Variants in SYNDIG1L observed in about 807,000 individuals in gnomAD.
SYNDIG1L encodes synapse differentiation-inducing gene protein 1-like.
In SYNDIG1L, 13 loss-of-function variants were observed where a neutral mutation model predicts 20.1. The ratio of observed to expected loss-of-function variants is 0.65; its 90% CI spans 0.42 to 1.03. The LOEUF is 1.03. SYNDIG1L is among the 50% of genes least tolerant of loss of function. The pLI is 0.00. For synonymous variants in SYNDIG1L, 128 were observed against 129.3 expected (o/e 0.99, Z 0.07); for missense variants, 294 against 305.1 (o/e 0.96, Z 0.27).
the SYNDIG1L span, among the ~76,000 whole-genome samples, chr14:74,453,351 T>TTA: frequency 8.1e-5 from 3 of 37,124 alleles, no homozygotes; most frequent in African/African-American, 2.8e-4. Flanking sequence ...AGACTCTGTC[T>TTA]CAAAAAAAAA....
chr14:74,426,725 C>A (rs1249941684), upstream of SYNDIG1L, among the ~76,000 whole-genome samples: 90 of 145,420 alleles, frequency 6.2e-4, 1 homozygote, highest in African/African-American at 1.9e-3. Flanking sequence ...CCCTGCCCCC[C>A]TCCCCCTGTC....
chr14:74,476,428 C>T, the SYNDIG1L span: 1 of 1,048,802 alleles, frequency 9.5e-7, no homozygotes, highest in African/African-American at 1.6e-5. Flanking sequence ...GGACGGCCTG[C>T]TAGAAGGGAG....
At chr14:74,436,394 A>AATTT in the SYNDIG1L span, among the ~76,000 whole-genome samples, 1 of 151,940 alleles carries the variant, frequency 6.6e-6, no homozygotes, top group Non-Finnish European at 1.5e-5. Flanking sequence ...ATACCTGGCT[A>AATTT]ATTTATTTAT....
chr14:74,433,038 G>T, the SYNDIG1L span, among the ~76,000 whole-genome samples: 1 of 152,264 alleles, frequency 6.6e-6, no homozygotes, highest in East Asian at 1.9e-4. Flanking sequence ...AATTTAATAA[G>T]TGCCAGGTCT....
At chr14:74,413,056 G>C (rs2086145073) in intron 1 of SYNDIG1L, among the ~76,000 whole-genome samples, 1 of 152,208 alleles carries the variant, frequency 6.6e-6, no homozygotes, top group South Asian at 2.1e-4. Flanking sequence ...ATCTCTCCAG[G>C]AGGGATGGAA....
At chr14:74,415,512 T>A (rs921863969) in intron 1 of SYNDIG1L, among the ~76,000 whole-genome samples, 2 of 152,176 alleles carry the variant, frequency 1.3e-5, no homozygotes, top group Non-Finnish European at 2.9e-5. Context: ...AAAAAATGTA[T>A]AACCACTATG....
At chr14:74,469,527 A>AAAG in the SYNDIG1L span, among the ~76,000 whole-genome samples, 1 of 152,080 alleles carries the variant, frequency 6.6e-6, no homozygotes, top group African/African-American at 2.4e-5. Context: ...AATAAAAAAA[A>AAAG]AAGAAGAAGA....
At chr14:74,453,605 A>G in the SYNDIG1L span, among the ~76,000 whole-genome samples, 88 of 152,212 alleles carry the variant, frequency 5.8e-4, no homozygotes, top group African/African-American at 2.0e-3. Context: ...TTGTATGTCA[A>G]TGATACCTCA....
chr14:74,411,243 AGGGATTACCATCCATACATCC>A (rs2086128520), intron 1 of SYNDIG1L, among the ~76,000 whole-genome samples: 1 of 152,200 alleles, frequency 6.6e-6, no homozygotes, highest in Non-Finnish European at 1.5e-5. Context: ...GGATGGTAAT[AGGGATTACCATCCATACATCC>A]CCATAAAGTT....
Position 74,426,200 on chromosome 14 carries a change from C to A in SYNDIG1L, c.-346G>T, listed in dbSNP as rs1034007827. 1.3e-5 allele frequency: 2 copies of A among 151,388 alleles called. No individual in the cohort carries two copies. Among genetic ancestry groups the A allele is most frequent in the Admixed American group, 6.6e-5 (1 of 15,126 alleles). The allele number at this position is 151,388 out of a possible 1,614,324, so 9.4% of individuals were successfully genotyped here. On this transcript the variant is annotated 5_prime_UTR_variant, in exon 1 of 4. Coordinates refer to ENST00000331628, the MANE Select transcript of SYNDIG1L (RefSeq NM_001105579.2). ...CCCTCGGCCCGGCCCGAGGCGGCTC[C>A]GCGCCGACTTGGGAGAGCAGCGAGG...
intron 1 of SYNDIG1L, among the ~76,000 whole-genome samples, chr14:74,420,318 C>G (rs949242364): frequency 1.3e-5 from 2 of 150,510 alleles, no homozygotes; most frequent in African/African-American, 4.9e-5. Flanking sequence ...ATCACTTGAA[C>G]CTGGGAGGCG....
intron 1 of SYNDIG1L, among the ~76,000 whole-genome samples, chr14:74,423,533 C>A (rs770229153): frequency 3.3e-5 from 5 of 152,136 alleles, no homozygotes; most frequent in African/African-American, 4.8e-5. Context: ...GGTCCCCCAC[C>A]CTGGCTGGGC....
At chr14:74,413,771 T>C (rs2086152016) in intron 1 of SYNDIG1L, among the ~76,000 whole-genome samples, 1 of 125,224 alleles carries the variant, frequency 8.0e-6, no homozygotes, top group African/African-American at 2.9e-5. Flanking sequence ...CCCTCACATA[T>C]ACACTCACAC....
At chr14:74,451,076 C>T in the SYNDIG1L span, among the ~76,000 whole-genome samples, 1 of 151,892 alleles carries the variant, frequency 6.6e-6, no homozygotes. Flanking sequence ...GGACAAATTT[C>T]TAAAATTCAT....
chr14:74,437,508 A>G, the SYNDIG1L span, among the ~76,000 whole-genome samples: 3 of 152,230 alleles, frequency 2.0e-5, no homozygotes, highest in Non-Finnish European at 4.4e-5. Flanking sequence ...TAGACAACAC[A>G]GAACATGCAA....
the SYNDIG1L span, among the ~76,000 whole-genome samples, chr14:74,471,607 CACACACACAT>C: frequency 6.6e-6 from 1 of 151,794 alleles, no homozygotes; most frequent in African/African-American, 2.4e-5. Context: ...CACACACACA[CACACACACAT>C]ACACACACAC....
upstream of SYNDIG1L, among the ~76,000 whole-genome samples, chr14:74,430,065 C>T (rs376471625): frequency 2.6e-5 from 4 of 152,174 alleles, no homozygotes; most frequent in South Asian, 6.2e-4. Flanking sequence ...GCACCGGTCC[C>T]GCCCGATTCC....
chr14:74,440,080 C>T, the SYNDIG1L span, among the ~76,000 whole-genome samples: 2 of 151,718 alleles, frequency 1.3e-5, no homozygotes, highest in Non-Finnish European at 2.9e-5. Context: ...TTATTTTTGG[C>T]CTTAATAATG....
chr14:74,459,544 A>G, the SYNDIG1L span, among the ~76,000 whole-genome samples: 3,328 of 152,244 alleles, frequency 0.022, 148 homozygotes, highest in African/African-American at 0.076. Context: ...TGTGACTGAA[A>G]TTGTGAGGAC....
Sources: allele counts gnomAD v4.1 joint callset (sites outside exome capture counted in the v4.1 genomes callset), GRCh38; gene constraint gnomAD v4.1.1; transcripts MANE v1.5; gene names NCBI Gene and HGNC (gene_info 2026-07-23, HGNC 2026-07-21).